The following PRKAG2 variants were observed in gnomAD, a reference collection of about 807,000 sequenced individuals.
The protein encoded by PRKAG2 is 5'-AMP-activated protein kinase subunit gamma-2.
PRKAG2 carries 26 observed loss-of-function variants against 69.6 expected under a neutral mutation model. The ratio of observed to expected loss-of-function variants is 0.37; its 90% CI spans 0.27 to 0.52. The LOEUF (loss-of-function observed/expected upper bound fraction) is 0.52, where lower values mean the gene tolerates loss of function less well. Ranked by LOEUF, PRKAG2 falls within the 20% of genes least tolerant of loss-of-function variation. The pLI is 0.90. For synonymous variants in PRKAG2, 293 were observed against 285.0 expected (o/e 1.03, Z -0.28); for missense variants, 557 against 740.0 (o/e 0.75, Z 2.87).
At chr7:151,832,627 G>T (rs1168422496) in intron 1 of PRKAG2, among the ~76,000 whole-genome samples, 1 of 151,144 alleles carries the variant, frequency 6.6e-6, no homozygotes, top group African/African-American at 2.4e-5. Context: ...CCCACCCTGG[G>T]TCCCTTCCAC....
At chr7:151,629,176 A>G (rs1348928851) in intron 5 of PRKAG2, among the ~76,000 whole-genome samples, 3 of 152,166 alleles carry the variant, frequency 2.0e-5, no homozygotes, top group Non-Finnish European at 4.4e-5. Flanking sequence ...AGTGGTTGTG[A>G]CAGAAACTGA....
At chr7:151,795,845 TCATATA>T (rs2077478199) in intron 1 of PRKAG2, among the ~76,000 whole-genome samples, 2 of 61,294 alleles carry the variant, frequency 3.3e-5, no homozygotes, top group South Asian at 1.4e-3. Context: ...CAAACAAATC[TCATATA>T]TATATATATA....
intron 3 of PRKAG2, among the ~76,000 whole-genome samples, chr7:151,713,220 T>C (rs1795600561): frequency 6.6e-6 from 1 of 151,704 alleles, no homozygotes. Context: ...TCTTAGAAAA[T>C]GGATATGCAG....
At chr7:151,760,388 C>T (rs1251624747) in intron 3 of PRKAG2, among the ~76,000 whole-genome samples, 1 of 152,190 alleles carries the variant, frequency 6.6e-6, no homozygotes, top group Non-Finnish European at 1.5e-5. Flanking sequence ...AGGCACCCAC[C>T]ATGCCCGGCT....
At chr7:151,684,988 A>G (rs531503687) in intron 3 of PRKAG2, among the ~76,000 whole-genome samples, 34 of 152,294 alleles carry the variant, frequency 2.2e-4, no homozygotes, top group African/African-American at 7.7e-4. Flanking sequence ...CGCCTGGACC[A>G]GGGTGACTTT....
At chr7:151,782,580 C>T (rs1003435300) in intron 2 of PRKAG2, among the ~76,000 whole-genome samples, 8 of 152,228 alleles carry the variant, frequency 5.3e-5, no homozygotes, top group African/African-American at 1.9e-4. Flanking sequence ...AGAAATATCT[C>T]ACGTGCCCGC....
At chr7:151,605,353 C>A (rs1177390723) in intron 5 of PRKAG2, among the ~76,000 whole-genome samples, 1 of 151,320 alleles carries the variant, frequency 6.6e-6, no homozygotes, top group Non-Finnish European at 1.5e-5. Context: ...TTATAATAAA[C>A]CCTCTTTGAA....
intron 4 of PRKAG2, among the ~76,000 whole-genome samples, chr7:151,635,861 A>C (rs184402682): frequency 1.5e-4 from 22 of 149,336 alleles, no homozygotes; most frequent in Admixed American, 1.2e-3. Context: ...AGGAAATGAC[A>C]ATAAATTTTT....
intron 5 of PRKAG2, among the ~76,000 whole-genome samples, chr7:151,622,813 G>C (rs766632689): frequency 3.9e-5 from 6 of 152,156 alleles, no homozygotes; most frequent in Non-Finnish European, 8.8e-5. Flanking sequence ...AGAATCGCTG[G>C]AATCACTTTA....
At chr7:151,748,676 A>C (rs2074456381) in intron 3 of PRKAG2, among the ~76,000 whole-genome samples, 1 of 152,220 alleles carries the variant, frequency 6.6e-6, no homozygotes, top group African/African-American at 2.4e-5. Context: ...GAGAAAATTG[A>C]ACAAAAAAAA....
chr7:151,587,674 T>TG (rs1229474166), intron 6 of PRKAG2, among the ~76,000 whole-genome samples: 1 of 152,136 alleles, frequency 6.6e-6, no homozygotes, highest in Admixed American at 6.5e-5. Context: ...GAGGGCATTC[T>TG]GGAAAATACC....
chr7:151,838,373 G>A (rs1168463735), intron 1 of PRKAG2, among the ~76,000 whole-genome samples: 1 of 151,954 alleles, frequency 6.6e-6, no homozygotes, highest in Non-Finnish European at 1.5e-5. Flanking sequence ...CAGCAGACGG[G>A]TATCCTGGAC....
At chr7:151,761,762 C>A (rs555150700) in intron 3 of PRKAG2, among the ~76,000 whole-genome samples, 28 of 152,326 alleles carry the variant, frequency 1.8e-4, no homozygotes, top group African/African-American at 6.3e-4. Flanking sequence ...AAGGACCCAT[C>A]GGGCAATGAC....
rs1249494680 is a variant in PRKAG2, at chr7:151,780,110, T to G, written c.466+1042A>C. On this transcript the variant is annotated intron_variant, in intron 3 of 15. Coordinates refer to ENST00000287878, the MANE Select transcript of PRKAG2 (RefSeq NM_016203.4). This position sits in a 1 kb window ranked among gnomAD's most constrained non-coding sequence, Gnocchi z 4.2. ...CGAAGTGCAAAATCTGTCCAAGAGA[T>G]AGATCTGCTCCACTCACACAGAATA... is the stretch of plus-strand genomic sequence containing the variant. Among the ~76,000 whole-genome samples, 1 of 152,152 alleles carries G rather than the reference T, an allele frequency of 6.6e-6. No individual in the cohort carries two copies. Among genetic ancestry groups the G allele is most frequent in the Non-Finnish European group, 1.5e-5 (1 of 68,030 alleles).
intron 3 of PRKAG2, among the ~76,000 whole-genome samples, chr7:151,747,538 T>C (rs995141436): frequency 6.7e-6 from 1 of 150,142 alleles, no homozygotes. Flanking sequence ...GCCTGGGTGA[T>C]AGAGAGAGAC....
chr7:151,751,266 T>TTTTATTTA (rs34506041), intron 3 of PRKAG2, among the ~76,000 whole-genome samples: 11 of 150,154 alleles, frequency 7.3e-5, no homozygotes, highest in East Asian at 2.0e-4. Context: ...CCAGGCTAAT[T>TTTTATTTA]TTTATTTATT....
At chr7:151,778,902 T>C (rs2076533096) in intron 3 of PRKAG2, among the ~76,000 whole-genome samples, 1 of 152,212 alleles carries the variant, frequency 6.6e-6, no homozygotes, top group African/African-American at 2.4e-5. Context: ...AAAAAAGGTA[T>C]ATATGTGTGT....
At chr7:151,625,143 A>G (rs1276745443) in intron 5 of PRKAG2, among the ~76,000 whole-genome samples, 3 of 152,210 alleles carry the variant, frequency 2.0e-5, no homozygotes, top group African/African-American at 7.2e-5. Flanking sequence ...AACAGCACCT[A>G]TCAATTGTGA....
At chr7:151,791,931 G>T (rs117685092) in intron 1 of PRKAG2, among the ~76,000 whole-genome samples, 2 of 152,160 alleles carry the variant, frequency 1.3e-5, no homozygotes, top group Admixed American at 1.3e-4. Context: ...TATCATCCCC[G>T]ACTATAGATG....
Sources: gnomAD v4.1 joint callset for allele counts (sites outside exome capture counted in the v4.1 genomes callset) on GRCh38, gnomAD v4.1.1 for gene constraint, Gnocchi (gnomAD v3.1) non-coding constraint, MANE v1.5 for transcripts, NCBI Gene and HGNC (gene_info 2026-07-23, HGNC 2026-07-21) for gene names.